The following SSH2 variants were observed in gnomAD, a reference collection of about 807,000 sequenced individuals.
The protein encoded by SSH2 is slingshot protein phosphatase 2, also known as protein phosphatase Slingshot homolog 2.
SSH2 carries 37 observed loss-of-function variants against 135.2 expected under a neutral mutation model. The ratio of observed to expected loss-of-function variants is 0.27; its 90% confidence interval spans 0.21 to 0.36. SSH2 has a LOEUF of 0.36. SSH2 is among the 10% of genes least tolerant of loss of function. The pLI is 1.00. For synonymous variants in SSH2, 628 were observed against 646.2 expected, an observed-to-expected ratio of 0.97 and a Z score of 0.43; for missense variants, 1,408 against 1,765.3, an observed-to-expected ratio of 0.80 and a Z score of 3.63.
intron 1 of SSH2, among the ~76,000 whole-genome samples, chr17:29,913,513 G>A (rs2066824836): frequency 6.7e-6 from 1 of 148,798 alleles, no homozygotes; most frequent in African/African-American, 2.5e-5. Context: ...ACAGTAAAAT[G>A]GGCAATTAAA....
chr17:29,762,331 A>G (rs748034174), intron 3 of SSH2, among the ~76,000 whole-genome samples: 1 of 152,156 alleles, frequency 6.6e-6, no homozygotes, highest in African/African-American at 2.4e-5. Flanking sequence ...TTAGCTGCAC[A>G]TAGGAATTAC....
chr17:29,789,736 G>A (rs188455641), intron 3 of SSH2, among the ~76,000 whole-genome samples: 86 of 152,324 alleles, frequency 5.6e-4, no homozygotes, highest in Middle Eastern at 3.4e-3. Flanking sequence ...TGAGGGTGAC[G>A]CTGCCACTCA....
At chr17:29,926,552 T>C (rs2067069300) in intron 1 of SSH2, among the ~76,000 whole-genome samples, 1 of 136,650 alleles carries the variant, frequency 7.3e-6, no homozygotes, top group Admixed American at 7.3e-5. Context: ...AGACCTTGTC[T>C]CAAAAAAAAA....
At chr17:29,880,887 C>A (rs1406395137) in intron 1 of SSH2, among the ~76,000 whole-genome samples, 1 of 152,144 alleles carries the variant, frequency 6.6e-6, no homozygotes, top group East Asian at 1.9e-4. Flanking sequence ...CCAATTAGGG[C>A]TAGACCTGGG....
At chr17:29,848,557 TCA>T (rs1475180927) in intron 2 of SSH2, among the ~76,000 whole-genome samples, 3 of 151,592 alleles carry the variant, frequency 2.0e-5, no homozygotes, top group African/African-American at 7.3e-5. Context: ...ACAAAAAGAG[TCA>T]CACTCTTTAT....
At chr17:29,778,835 C>CAAAA (rs60595591) in intron 3 of SSH2, among the ~76,000 whole-genome samples, 11 of 37,864 alleles carry the variant, frequency 2.9e-4, no homozygotes, top group Admixed American at 4.8e-4. Flanking sequence ...CTCCGTCTCC[C>CAAAA]AAAAAAAAAA....
intron 6 of SSH2, among the ~76,000 whole-genome samples, chr17:29,680,734 C>T (rs1234478443): frequency 1.3e-5 from 2 of 151,718 alleles, no homozygotes; most frequent in Non-Finnish European, 2.9e-5. Flanking sequence ...GAGATGAGCG[C>T]ACAAAAAAAT....
intron 1 of SSH2, among the ~76,000 whole-genome samples, chr17:29,852,206 C>T (rs1030789799): frequency 6.6e-6 from 1 of 151,428 alleles, no homozygotes; most frequent in Admixed American, 6.6e-5. Flanking sequence ...CACTTCAACC[C>T]GGGAGATGAA....
intron 3 of SSH2, among the ~76,000 whole-genome samples, chr17:29,728,392 G>A (rs960317458): frequency 1.3e-5 from 2 of 152,236 alleles, no homozygotes; most frequent in African/African-American, 2.4e-5. Flanking sequence ...ACAGGTGAAA[G>A]AAATTGAAGA....
chr17:29,874,374 G>A (rs967467381), intron 1 of SSH2, among the ~76,000 whole-genome samples: 1 of 152,130 alleles, frequency 6.6e-6, no homozygotes, highest in African/African-American at 2.4e-5. Context: ...TAAATATTTT[G>A]ATATGGTTAG....
intron 1 of SSH2, among the ~76,000 whole-genome samples, chr17:29,899,797 G>A (rs1348155564): frequency 1.3e-5 from 2 of 152,004 alleles, no homozygotes; most frequent in African/African-American, 4.8e-5. Flanking sequence ...AGTTCATGTG[G>A]AACCAAAAAA....
chr17:29,799,493 T>C (rs1010822265), intron 2 of SSH2, among the ~76,000 whole-genome samples: 1 of 152,186 alleles, frequency 6.6e-6, no homozygotes, highest in Non-Finnish European at 1.5e-5. Flanking sequence ...CTCATTATGG[T>C]CTTAATTTGC....
chr17:29,706,357 G>T (rs1311712103), intron 3 of SSH2, among the ~76,000 whole-genome samples: 3 of 152,154 alleles, frequency 2.0e-5, no homozygotes, highest in Non-Finnish European at 4.4e-5. Flanking sequence ...AAAAACAAAA[G>T]AATCCACAGA....
intron 1 of SSH2, among the ~76,000 whole-genome samples, chr17:29,899,678 C>T (rs1376591631): frequency 6.6e-6 from 1 of 152,122 alleles, no homozygotes; most frequent in African/African-American, 2.4e-5. Context: ...TAGGAAGAAT[C>T]AATATCGTGA....
chr17:29,774,897 C>T (rs2041663964), intron 3 of SSH2, among the ~76,000 whole-genome samples: 1 of 152,150 alleles, frequency 6.6e-6, no homozygotes, highest in African/African-American at 2.4e-5. Context: ...AACCACCAGA[C>T]CATTCCTTCT....
At chr17:29,738,716 G>A (rs2040457722) in intron 3 of SSH2, among the ~76,000 whole-genome samples, 1 of 151,954 alleles carries the variant, frequency 6.6e-6, no homozygotes, top group South Asian at 2.1e-4. Flanking sequence ...ACCATGCCCG[G>A]CTAATTTTTT....
At chr17:29,648,505 G>A (rs1317840066) in intron 13 of SSH2, among the ~76,000 whole-genome samples, 161 bp from the exon 14 acceptor site, 5 of 152,198 alleles carry the variant, frequency 3.3e-5, no homozygotes, top group African/African-American at 1.2e-4. Context: ...ATAATCAAAT[G>A]TGTGGGTAGG....
chr17:29,918,249 AG>A (rs1484844299), intron 1 of SSH2, among the ~76,000 whole-genome samples: 2 of 152,226 alleles, frequency 1.3e-5, no homozygotes, highest in South Asian at 2.1e-4. Context: ...ACCTAAGGGC[AG>A]GGGGGTGGAA....
chr17:29,634,089 TAC>T (rs1416782501), intron 15 of SSH2, among the ~76,000 whole-genome samples: 1 of 152,208 alleles, frequency 6.6e-6, no homozygotes, highest in Non-Finnish European at 1.5e-5. Context: ...TCAGTGCTGC[TAC>T]AGTCAATGGT....
Sources: gnomAD v4.1 joint callset for allele counts (sites outside exome capture counted in the v4.1 genomes callset) on GRCh38, gnomAD v4.1.1 for gene constraint, MANE v1.5 for transcripts, NCBI Gene and HGNC (gene_info 2026-07-23, HGNC 2026-07-21) for gene names.